C12orf42: variants seen among roughly 807,000 people sequenced by gnomAD.
C12orf42 encodes uncharacterized protein C12orf42.
In C12orf42, 25 loss-of-function variants were observed where a neutral mutation model predicts 21.6. The observed-to-expected ratio is 1.16, with a 90% CI of 0.84 to 1.62. C12orf42 has a LOEUF of 1.62. Among genes scored for constraint, C12orf42 ranks in the 40% most tolerant of loss-of-function variants. C12orf42 has a pLI of 0.00. For missense variants in C12orf42, 483 were observed against 459.3 expected (o/e 1.05, Z -0.47); for synonymous variants, 174 against 175.0 (o/e 0.99, Z 0.05).
In C12orf42 at chr12:103,495,950, G is replaced by A. The variant is rs78143608; in HGVS notation, c.-70C>T. On this transcript the variant is annotated 5_prime_UTR_variant, in exon 1 of 6. Coordinates refer to ENST00000548883, the MANE Select transcript of C12orf42 (RefSeq NM_198521.5). ...CGGGGCGCCGCCCGCAGCCTCCTCC[G>A]CGGGAGCTGGAGCACTCTGCTGGGT... The A allele has an allele frequency of 0.034, 5,159 of 152,410 alleles. 98 individuals carry two copies. Among genetic ancestry groups the A allele is most frequent in the Middle Eastern group, 0.058 (17 of 294 alleles). 9.4% of individuals were successfully genotyped at this position (152,410 alleles called of 1,614,324 possible).
the C12orf42 span, among the ~76,000 whole-genome samples, chr12:103,157,787 G>C: frequency 6.6e-6 from 1 of 152,070 alleles, no homozygotes; most frequent in Non-Finnish European, 1.5e-5. Context: ...GTAGGTGTGT[G>C]GTGTTATTTC....
the C12orf42 span, among the ~76,000 whole-genome samples, chr12:103,056,232 A>G: frequency 6.6e-6 from 1 of 152,104 alleles, no homozygotes; most frequent in East Asian, 1.9e-4. Context: ...TTTGGTGCCT[A>G]CATATTTAGG....
At chr12:103,520,077 C>T in the C12orf42 span, among the ~76,000 whole-genome samples, 3 of 152,158 alleles carry the variant, frequency 2.0e-5, no homozygotes, top group East Asian at 1.9e-4. Context: ...ACTTGACTAA[C>T]GTGGAGGGTG....
At chr12:103,241,008 C>T (rs2033710212) in intron 10 of C12orf42, among the ~76,000 whole-genome samples, 1 of 152,000 alleles carries the variant, frequency 6.6e-6, no homozygotes, top group African/African-American at 2.4e-5. Flanking sequence ...TGTAAAGAGA[C>T]AGTCAGATAA....
rs1462668270 is a variant in C12orf42, at chr12:103,309,149, A to G, written c.260-2804T>C. Among the ~76,000 whole-genome samples the G allele has an allele frequency of 2.0e-5, 3 of 152,214 alleles. No homozygotes were observed. In the East Asian group the frequency reaches 5.8e-4, roughly 29 times the overall value. ...GCCCTAGAAAATGATTATACCTACA[A>G]TAACTCCAATGTACACATGTTGTCC... is the stretch of plus-strand genomic sequence containing the variant. On this transcript the variant is annotated intron_variant, in intron 4 of 5. Transcript: ENST00000548883.
At chr12:103,158,920 G>T in the C12orf42 span, among the ~76,000 whole-genome samples, 1 of 151,128 alleles carries the variant, frequency 6.6e-6, no homozygotes, top group Non-Finnish European at 1.5e-5. Context: ...TCCTAAAGCT[G>T]ATTTTTTACA....
the C12orf42 span, among the ~76,000 whole-genome samples, chr12:103,186,470 A>G: frequency 6.6e-6 from 1 of 152,186 alleles, no homozygotes. Flanking sequence ...TGCGTTCAAA[A>G]GTGATTTTTC....
At chr12:103,520,845 T>C in the C12orf42 span, among the ~76,000 whole-genome samples, 8 of 152,210 alleles carry the variant, frequency 5.3e-5, no homozygotes, top group African/African-American at 1.9e-4. Flanking sequence ...TGCCTCCCTG[T>C]TACTACATGA....
intron 1 of C12orf42, among the ~76,000 whole-genome samples, chr12:103,487,633 T>C (rs10861027): frequency 0.83 from 125,877 of 152,220 alleles, 52,101 homozygotes; most frequent in Admixed American, 0.88. Context: ...ATGAATCTGG[T>C]TGCTCCTGCA....
chr12:103,221,521 CTG>C, the C12orf42 span, among the ~76,000 whole-genome samples: 3 of 152,200 alleles, frequency 2.0e-5, no homozygotes, highest in Admixed American at 6.5e-5. Flanking sequence ...ACTTATGACT[CTG>C]TGTTACTTGC....
chr12:103,245,206 G>A (rs2033951214), intron 10 of C12orf42, among the ~76,000 whole-genome samples: 1 of 152,094 alleles, frequency 6.6e-6, no homozygotes, highest in Admixed American at 6.6e-5. Context: ...GTTGGAAACA[G>A]GCAGTGAAAA....
At chr12:103,317,010 C>T (rs1184089317) in intron 4 of C12orf42, among the ~76,000 whole-genome samples, 1 of 152,168 alleles carries the variant, frequency 6.6e-6, no homozygotes, top group African/African-American at 2.4e-5. Context: ...CTCATTCCAG[C>T]TCTAGTCACC....
At chr12:103,146,773 T>C in the C12orf42 span, among the ~76,000 whole-genome samples, 2 of 152,216 alleles carry the variant, frequency 1.3e-5, no homozygotes, top group Admixed American at 6.5e-5. Context: ...ATTTCGTATA[T>C]CTTTTTTCAC....
the C12orf42 span, among the ~76,000 whole-genome samples, chr12:103,526,812 G>A: frequency 6.6e-6 from 1 of 152,230 alleles, no homozygotes; most frequent in Admixed American, 6.5e-5. Context: ...ATCTGGGACT[G>A]CTAGCCTCCA....
At chr12:103,349,780 A>C (rs1466850968) in intron 4 of C12orf42, among the ~76,000 whole-genome samples, 16 of 152,164 alleles carry the variant, frequency 1.1e-4, no homozygotes, top group Admixed American at 1.0e-3. Flanking sequence ...ATACAATGGT[A>C]AAATGTTTTT....
At chr12:103,537,612 C>G in the C12orf42 span, among the ~76,000 whole-genome samples, 1 of 152,260 alleles carries the variant, frequency 6.6e-6, no homozygotes, top group South Asian at 2.1e-4. Context: ...GAAAGGGGAG[C>G]GCTACCATCT....
the C12orf42 span, among the ~76,000 whole-genome samples, chr12:103,530,020 C>T: frequency 1.3e-5 from 2 of 152,098 alleles, no homozygotes; most frequent in South Asian, 4.1e-4. Context: ...ACGCTTAAGG[C>T]ACAAGTTATT....
intron 4 of C12orf42, among the ~76,000 whole-genome samples, chr12:103,335,586 T>C (rs2041619558): frequency 6.6e-6 from 1 of 152,256 alleles, no homozygotes; most frequent in African/African-American, 2.4e-5. Context: ...TAACTGCTTT[T>C]TGACCTTGGC....
At chr12:103,536,587 C>T in the C12orf42 span, among the ~76,000 whole-genome samples, 1 of 152,142 alleles carries the variant, frequency 6.6e-6, no homozygotes, top group East Asian at 1.9e-4. Flanking sequence ...CATCCCTCCC[C>T]CAGCCATCAC....
Sources: allele counts gnomAD v4.1 joint callset (sites outside exome capture counted in the v4.1 genomes callset), GRCh38; gene constraint gnomAD v4.1.1; transcripts MANE v1.5; gene names NCBI Gene and HGNC (gene_info 2026-07-23, HGNC 2026-07-21).